ASCC3: variants seen among roughly 807,000 people sequenced by gnomAD.
ASCC3 encodes ASC-1 complex subunit P200.
Under a neutral mutation model 256.3 loss-of-function variants are expected in ASCC3, and 158 were observed. That is an observed-to-expected ratio of 0.62 (90% CI 0.54 to 0.70). The LOEUF is 0.70. ASCC3 is among the 30% of genes least tolerant of loss of function. ASCC3 has a pLI of 0.00. For synonymous variants in ASCC3, 948 were observed against 883.4 expected, an observed-to-expected ratio of 1.07 and a Z score of -1.30; for missense variants, 2,259 against 2,626.0, an observed-to-expected ratio of 0.86 and a Z score of 3.05.
intron 13 of ASCC3, among the ~76,000 whole-genome samples, chr6:100,707,832 G>C (rs896236956): frequency 2.0e-5 from 3 of 152,058 alleles, no homozygotes; most frequent in Non-Finnish European, 4.4e-5. Context: ...TTTCACTGTA[G>C]AAAAATTGCA....
chr6:100,628,221 G>A (rs1418810301), intron 27 of ASCC3, among the ~76,000 whole-genome samples: 1 of 152,092 alleles, frequency 6.6e-6, no homozygotes, highest in East Asian at 1.9e-4. Flanking sequence ...GTAGAAACGT[G>A]GTTACCAGAG....
At chr6:100,776,560 A>T (rs1447684599) in intron 8 of ASCC3, among the ~76,000 whole-genome samples, 1 of 152,106 alleles carries the variant, frequency 6.6e-6, no homozygotes, top group Non-Finnish European at 1.5e-5. Context: ...AAATAAGATG[A>T]CTTATTTATG....
chr6:100,675,731 A>T (rs530605403), intron 14 of ASCC3, among the ~76,000 whole-genome samples: 2 of 152,340 alleles, frequency 1.3e-5, no homozygotes, highest in East Asian at 3.9e-4. Flanking sequence ...TCTAAAAGAC[A>T]AACTCTTAAC....
intron 8 of ASCC3, among the ~76,000 whole-genome samples, chr6:100,797,471 A>G (rs1769680876): frequency 7.1e-6 from 1 of 141,484 alleles, no homozygotes; most frequent in African/African-American, 2.6e-5. Flanking sequence ...AAAAAAAAAA[A>G]AAAAATGAAA....
At chr6:100,517,283 G>A (rs1395801706) in intron 38 of ASCC3, among the ~76,000 whole-genome samples, 2 of 152,104 alleles carry the variant, frequency 1.3e-5, no homozygotes, top group African/African-American at 4.8e-5. Context: ...AGATGAACAG[G>A]AGTAGGGAGT....
chr6:100,830,668 T>C (rs780877479), intron 4 of ASCC3, among the ~76,000 whole-genome samples: 2 of 152,140 alleles, frequency 1.3e-5, no homozygotes, highest in East Asian at 1.9e-4. Flanking sequence ...AACGAAAACA[T>C]AGCATTTATC....
At chr6:100,589,594 T>G (rs765695835) in intron 36 of ASCC3, 40 bp downstream of exon 36, 11 of 1,610,702 alleles carry the variant, frequency 6.8e-6, no homozygotes, top group Non-Finnish European at 9.3e-6. Flanking sequence ...CTTTAAGCCC[T>G]AAATTAAAAG....
At chr6:100,782,925 A>T (rs1782513574) in intron 8 of ASCC3, among the ~76,000 whole-genome samples, 2 of 152,076 alleles carry the variant, frequency 1.3e-5, no homozygotes, top group Admixed American at 1.3e-4. Context: ...GAAGTCAGGG[A>T]CCTGGGAAGA....
At chr6:100,859,123 G>T (rs766692942) in intron 3 of ASCC3, 2 of 779,604 alleles carry the variant, frequency 2.6e-6, no homozygotes, top group East Asian at 4.9e-5. Flanking sequence ...TTAGTCCTCT[G>T]AATCTGTCAG....
chr6:100,647,963 CCAAA>C (rs1775467292), intron 20 of ASCC3, among the ~76,000 whole-genome samples: 2 of 152,148 alleles, frequency 1.3e-5, no homozygotes, highest in South Asian at 2.1e-4. Context: ...TTCCTATAAA[CCAAA>C]CAATGTGTTA....
chr6:100,796,520 T>C, intron 8 of ASCC3, among the ~76,000 whole-genome samples: 1 of 152,062 alleles, frequency 6.6e-6, no homozygotes, highest in Non-Finnish European at 1.5e-5. Flanking sequence ...TACGGTTAAA[T>C]GAAGTCATGA....
At chr6:100,676,589 A>G (rs188283838) in intron 14 of ASCC3, among the ~76,000 whole-genome samples, 3 of 152,258 alleles carry the variant, frequency 2.0e-5, no homozygotes, top group Admixed American at 2.0e-4. Context: ...AAATATAGGT[A>G]GTTTTTCCCT....
At chr6:100,618,728 A>C (rs1050583018) in intron 30 of ASCC3, among the ~76,000 whole-genome samples, 2 of 152,212 alleles carry the variant, frequency 1.3e-5, no homozygotes, top group African/African-American at 2.4e-5. Flanking sequence ...AGAAGATTAT[A>C]CTGGACCTTC....
chr6:100,534,999 A>G (rs531814355), intron 37 of ASCC3, among the ~76,000 whole-genome samples: 1 of 152,338 alleles, frequency 6.6e-6, no homozygotes, highest in African/African-American at 2.4e-5. Flanking sequence ...GAATGAAGAT[A>G]CTAAGACCTA....
chr6:100,774,442 G>A (rs1363770255), intron 8 of ASCC3, among the ~76,000 whole-genome samples: 1 of 151,746 alleles, frequency 6.6e-6, no homozygotes, highest in Non-Finnish European at 1.5e-5. Flanking sequence ...CTTGGCTCAC[G>A]GCAACCTCCG....
chr6:100,835,825 T>C (rs559459549), intron 4 of ASCC3, among the ~76,000 whole-genome samples: 1 of 152,280 alleles, frequency 6.6e-6, no homozygotes, highest in African/African-American at 2.4e-5. Context: ...GAACTGCCTA[T>C]AGATCACTTT....
intron 3 of ASCC3, among the ~76,000 whole-genome samples, chr6:100,850,032 G>A (rs778711575): frequency 5.6e-5 from 8 of 144,130 alleles, no homozygotes; most frequent in East Asian, 4.2e-4. Flanking sequence ...CCTAGGAGGC[G>A]GAGGTTGCAG....
intron 36 of ASCC3, among the ~76,000 whole-genome samples, chr6:100,583,333 G>A (rs138604391): frequency 0.032 from 4,913 of 152,212 alleles, 238 homozygotes; most frequent in African/African-American, 0.11. Context: ...ATGTGTCGAG[G>A]AATTTATCCA....
At chr6:100,560,338 T>C (rs547799899) in intron 36 of ASCC3, among the ~76,000 whole-genome samples, 7 of 152,104 alleles carry the variant, frequency 4.6e-5, no homozygotes, top group Non-Finnish European at 8.8e-5. Flanking sequence ...AAGATCCCAT[T>C]TGGATTTGAG....
Sources: gnomAD v4.1 joint callset for allele counts (sites outside exome capture counted in the v4.1 genomes callset) on GRCh38, gnomAD v4.1.1 for gene constraint, MANE v1.5 for transcripts, NCBI Gene and HGNC (gene_info 2026-07-23, HGNC 2026-07-21) for gene names.